Variants in BACH2 observed in about 807,000 individuals in gnomAD.
The protein encoded by BACH2 is transcription regulator protein BACH2.
In BACH2, 5 loss-of-function variants were observed where a neutral mutation model predicts 61.8. The observed-to-expected ratio is 0.08, with a 90% CI of 0.04 to 0.17. The LOEUF (loss-of-function observed/expected upper bound fraction) is 0.17. Among genes scored for constraint, BACH2 ranks in the 10% least tolerant of loss-of-function variants. BACH2 has a pLI of 1.00. For synonymous variants in BACH2, 446 were observed against 440.1 expected, an observed-to-expected ratio of 1.01 and a Z score of -0.17; for missense variants, 824 against 1,091.1, an observed-to-expected ratio of 0.76 and a Z score of 3.45.
At chr6:90,120,257 C>G (rs1196729698) in intron 4 of BACH2, among the ~76,000 whole-genome samples, 3 of 152,218 alleles carry the variant, frequency 2.0e-5, no homozygotes, top group Admixed American at 2.0e-4. Flanking sequence ...GGTCACCACT[C>G]TCATGGGATG....
At chr6:90,279,781 T>C (rs1771804759) in intron 1 of BACH2, among the ~76,000 whole-genome samples, 1 of 152,224 alleles carries the variant, frequency 6.6e-6, no homozygotes, top group Admixed American at 6.5e-5. Flanking sequence ...TTTAAGTCAT[T>C]TAAGAACTTT....
At chr6:90,115,839 C>A (rs1235233946) in intron 4 of BACH2, among the ~76,000 whole-genome samples, 1 of 152,182 alleles carries the variant, frequency 6.6e-6, no homozygotes, top group Admixed American at 6.6e-5. Flanking sequence ...AAATAAACAA[C>A]CCTGTTCAAA....
At chr6:90,097,754 T>G (rs1031323827) in intron 4 of BACH2, among the ~76,000 whole-genome samples, 1 of 152,216 alleles carries the variant, frequency 6.6e-6, no homozygotes, top group African/African-American at 2.4e-5. Flanking sequence ...TTGTACAGCC[T>G]TCACCACTAT....
At chr6:90,039,915 T>C (rs1389665392) in intron 5 of BACH2, among the ~76,000 whole-genome samples, 2 of 152,172 alleles carry the variant, frequency 1.3e-5, no homozygotes, top group East Asian at 1.9e-4. Context: ...TTAATTTTTT[T>C]CCCCTATTGC....
chr6:90,018,117 G>T (rs780365460), intron 5 of BACH2, among the ~76,000 whole-genome samples: 3 of 152,144 alleles, frequency 2.0e-5, no homozygotes, highest in African/African-American at 4.8e-5. Context: ...TAGTCTGGCT[G>T]GTAGGAAATG....
intron 6 of BACH2, among the ~76,000 whole-genome samples, chr6:89,994,027 C>T (rs1190104553): frequency 1.3e-5 from 2 of 152,148 alleles, no homozygotes; most frequent in Non-Finnish European, 2.9e-5. Context: ...ATTCCATACT[C>T]AACCAGAGCC....
At chr6:90,039,036 G>A (rs1356756889) in intron 5 of BACH2, among the ~76,000 whole-genome samples, 12 of 144,252 alleles carry the variant, frequency 8.3e-5, no homozygotes, top group African/African-American at 2.8e-4. Context: ...GTGAAACTCC[G>A]TCTCCAAAAA....
intron 5 of BACH2, among the ~76,000 whole-genome samples, chr6:90,061,600 A>G (rs1052377743): frequency 6.6e-6 from 1 of 152,146 alleles, no homozygotes; most frequent in African/African-American, 2.4e-5. Flanking sequence ...AGCAGAGGAG[A>G]TAACAAGTGA....
Position 90,150,229 on chromosome 6 carries a change from T to G in BACH2, c.-162+56340A>C, listed in dbSNP as rs141853101. Among the ~76,000 whole-genome samples, 711 of 152,292 alleles carry G rather than the reference T, an allele frequency of 4.7e-3. 6 individuals carry two copies. Among genetic ancestry groups the G allele is most frequent in the African/African-American group, 0.016 (670 of 41,552 alleles). On this transcript the variant is annotated intron_variant, in intron 4 of 8. Coordinates refer to ENST00000257749, the MANE Select transcript of BACH2 (RefSeq NM_021813.4). ...TATAATCACATGCACTACTCTAGTT[T>G]GGACTTTTATTGGACAATTGCTGTA...
intron 5 of BACH2, among the ~76,000 whole-genome samples, chr6:90,020,799 T>C (rs1778330446): frequency 6.6e-6 from 1 of 152,086 alleles, no homozygotes; most frequent in South Asian, 2.1e-4. Flanking sequence ...CCCCCACTCC[T>C]CCATGCAGCA....
At chr6:89,982,477 A>G (rs142152826) in intron 6 of BACH2, among the ~76,000 whole-genome samples, 2 of 152,366 alleles carry the variant, frequency 1.3e-5, no homozygotes, top group Non-Finnish European at 2.9e-5. Flanking sequence ...TAATATTAAA[A>G]GAGATAAAAG....
chr6:90,122,844 T>A lies in BACH2; in HGVS notation c.-161-33735A>T, dbSNP rs1783686304. ...TGCTAGTGTAGCTACTGACTGCCCATGGCAATGGTTCTATTTTTTTCATGG... is the reference window on the plus strand; with the variant it reads ...TGCTAGTGTAGCTACTGACTGCCCAAGGCAATGGTTCTATTTTTTTCATGG... On this transcript the variant is annotated intron_variant, in intron 4 of 8. Coordinates refer to ENST00000257749, the MANE Select transcript of BACH2 (RefSeq NM_021813.4). Among the ~76,000 whole-genome samples, 2 of 152,210 alleles carry A rather than the reference T, an allele frequency of 1.3e-5. 1 individual carries two copies. Among genetic ancestry groups the A allele is most frequent in the South Asian group, 4.1e-4 (2 of 4,830 alleles).
At chr6:90,102,714 G>T (rs149793858) in intron 4 of BACH2, among the ~76,000 whole-genome samples, 1 of 151,024 alleles carries the variant, frequency 6.6e-6, no homozygotes, top group Non-Finnish European at 1.5e-5. Context: ...CACTTGAACC[G>T]AGGAGGCAGA....
chr6:90,161,516 AATAAAT>A (rs1402952295), intron 4 of BACH2, among the ~76,000 whole-genome samples: 1 of 152,188 alleles, frequency 6.6e-6, no homozygotes, highest in Non-Finnish European at 1.5e-5. Flanking sequence ...ATTTATTTTA[AATAAAT>A]ATAAACAATA....
At chr6:90,058,377 C>A (rs978582511) in intron 5 of BACH2, among the ~76,000 whole-genome samples, 1 of 152,138 alleles carries the variant, frequency 6.6e-6, no homozygotes, top group African/African-American at 2.4e-5. Context: ...TTCACAATTG[C>A]TTCAAAGAGA....
At chr6:89,984,587 A>C (rs980806219) in intron 6 of BACH2, among the ~76,000 whole-genome samples, 151 of 152,296 alleles carry the variant, frequency 9.9e-4, no homozygotes, top group African/African-American at 3.6e-3. Flanking sequence ...CTAAAAGCCT[A>C]TTCCTATATT....
chr6:90,030,630 T>G (rs1479614902), intron 5 of BACH2, among the ~76,000 whole-genome samples: 4 of 152,032 alleles, frequency 2.6e-5, no homozygotes, highest in South Asian at 2.1e-4. Context: ...CCTTGACACA[T>G]ACACCCTCCC....
At chr6:90,293,842 C>T (rs1772255695) in intron 1 of BACH2, among the ~76,000 whole-genome samples, 1 of 152,218 alleles carries the variant, frequency 6.6e-6, no homozygotes, top group Non-Finnish European at 1.5e-5. Context: ...CAGTGCCTTT[C>T]ATCCAGGGAT....
intron 6 of BACH2, among the ~76,000 whole-genome samples, chr6:89,967,414 C>T (rs142693713): frequency 2.4e-4 from 37 of 152,316 alleles, no homozygotes; most frequent in African/African-American, 8.9e-4. Flanking sequence ...AAAACACCTA[C>T]AGCATCCCGG....
Sources: gnomAD v4.1 joint callset for allele counts (sites outside exome capture counted in the v4.1 genomes callset) on GRCh38, gnomAD v4.1.1 for gene constraint, MANE v1.5 for transcripts, NCBI Gene and HGNC (gene_info 2026-07-23, HGNC 2026-07-21) for gene names.